Variants in CD96 observed in about 807,000 individuals in gnomAD.
CD96 encodes T-cell surface protein tactile.
CD96 carries 70 observed loss-of-function variants against 71.3 expected under a neutral mutation model. The ratio of observed to expected loss-of-function variants is 0.98; its 90% confidence interval spans 0.81 to 1.20. The LOEUF (loss-of-function observed/expected upper bound fraction) is 1.20. Ranked by LOEUF, CD96 falls within the 50% of genes most tolerant of loss-of-function variation. CD96 has a pLI of 0.00. For synonymous variants in CD96, 248 were observed against 233.0 expected, an observed-to-expected ratio of 1.06 and a Z score of -0.59; for missense variants, 742 against 677.5, an observed-to-expected ratio of 1.10 and a Z score of -1.06.
Position 111,649,661 on chromosome 3 carries a change from A to G in CD96, c.1602-37A>G, listed in dbSNP as rs757842906. 23 of 1,241,260 alleles carry G rather than the reference A, an allele frequency of 1.9e-5. 1 individual carries two copies. The South Asian group carries it at 2.6e-4, about 14-fold the overall frequency. 76.9% of individuals were successfully genotyped at this position (1,241,260 alleles called of 1,614,324 possible). A position where few individuals can be genotyped will look rare whatever the true frequency, so the allele number is the denominator to read the frequency against. ...GTGTGTGTGTGCATAAGACTCCCTC[A>G]ATTCTTAGCATTGAAAGACCAATAT... On this transcript the variant is annotated intron_variant, in intron 13 of 13. Coordinates refer to ENST00000352690, the MANE Select transcript of CD96 (RefSeq NM_005816.5).
At position 111,606,786 on chromosome 3, in the gene CD96, C is replaced by A; in HGVS notation, c.1174C>A (p.Pro392Thr). ...TQPSPASSVS[P>T]ARYPATSSVT... Reference sequence around the variant, plus strand: ...ACCTTCTCCAGCCAGCAGTGTATCTCCTGCAAGTAAGAATGTTTTCACACT... The same window carrying A: ...ACCTTCTCCAGCCAGCAGTGTATCTACTGCAAGTAAGAATGTTTTCACACT... Residue 392 changes from proline (P) to threonine (T), a missense_variant, in exon 8 of 14, where the codon CCT becomes ACT. By Grantham distance (38) the Pro-to-Thr change is conservative. Coordinates refer to ENST00000352690, the MANE Select transcript of CD96 (RefSeq NM_005816.5). 6.4e-7 allele frequency: 1 copy of A among 1,554,652 alleles called. No homozygotes were observed. Among genetic ancestry groups the A allele is most frequent in the Non-Finnish European group, 8.9e-7 (1 of 1,125,800 alleles).
chr3:111,610,600 G>A (rs1937871841), intron 8 of CD96, among the ~76,000 whole-genome samples: 1 of 152,202 alleles, frequency 6.6e-6, no homozygotes. Flanking sequence ...ATAACAAACT[G>A]TAAGAGTTAT....
intron 5 of CD96, among the ~76,000 whole-genome samples, chr3:111,588,154 C>G (rs1258528705): frequency 6.6e-6 from 1 of 152,166 alleles, no homozygotes; most frequent in Non-Finnish European, 1.5e-5. Flanking sequence ...CTCTGTTTAT[C>G]TTTTGAAACT....
At chr3:111,622,959 T>C (rs1343537590) in intron 8 of CD96, among the ~76,000 whole-genome samples, 1 of 152,228 alleles carries the variant, frequency 6.6e-6, no homozygotes. Context: ...ACTATCCCTG[T>C]TTAGGTTTCA....
intron 3 of CD96, among the ~76,000 whole-genome samples, chr3:111,578,008 C>T (rs146735922): frequency 2.6e-5 from 4 of 152,270 alleles, no homozygotes; most frequent in African/African-American, 9.6e-5. Flanking sequence ...AGCAATTGTC[C>T]TAGCTATGGC....
intron 7 of CD96, among the ~76,000 whole-genome samples, chr3:111,602,695 G>A (rs760758317): frequency 2.0e-5 from 3 of 152,050 alleles, no homozygotes; most frequent in Admixed American, 6.5e-5. Flanking sequence ...TGGTACTGCC[G>A]GATGCTTTAT....
At chr3:111,640,501 C>A (rs138371882) in intron 12 of CD96, among the ~76,000 whole-genome samples, 1 of 152,040 alleles carries the variant, frequency 6.6e-6, no homozygotes, top group African/African-American at 2.4e-5. Flanking sequence ...GTTAAACAAC[C>A]AAACTTATGA....
At chr3:111,595,459 G>A (rs1937213197) in intron 5 of CD96, 1 of 152,120 alleles carries the variant, frequency 6.6e-6, no homozygotes, top group African/African-American at 2.4e-5. Context: ...TTCCAGGTAG[G>A]TGTGTCTGTG....
At chr3:111,648,018 C>T (rs1374717237) in intron 13 of CD96, among the ~76,000 whole-genome samples, 1 of 152,116 alleles carries the variant, frequency 6.6e-6, no homozygotes, top group Non-Finnish European at 1.5e-5. Flanking sequence ...CTTTGAACTG[C>T]CTAGGCTCCA....
chr3:111,642,799 T>A (rs553029998), intron 12 of CD96, among the ~76,000 whole-genome samples: 3 of 150,042 alleles, frequency 2.0e-5, no homozygotes, highest in South Asian at 4.2e-4. Flanking sequence ...AAACTGAGAC[T>A]CCGCCTAAAA....
intron 2 of CD96, among the ~76,000 whole-genome samples, chr3:111,550,931 G>C (rs1379494823): frequency 1.3e-5 from 2 of 152,128 alleles, no homozygotes; most frequent in East Asian, 1.9e-4. Context: ...AAAGTACATA[G>C]TGCCACATTT....
intron 6 of CD96, 106 bp from the exon 7 acceptor site, chr3:111,600,620 C>G: frequency 3.5e-6 from 3 of 866,502 alleles, no homozygotes; most frequent in Non-Finnish European, 5.8e-6. Context: ...CATTTGACCA[C>G]TTTAGACTCT....
chr3:111,555,063 G>A (rs963680686), intron 2 of CD96, among the ~76,000 whole-genome samples: 2 of 152,154 alleles, frequency 1.3e-5, no homozygotes, highest in African/African-American at 4.8e-5. Context: ...ATGGGGAGTA[G>A]CTGTAAATAC....
At chr3:111,626,888 G>T (rs899085999) in intron 10 of CD96, among the ~76,000 whole-genome samples, 10 of 152,118 alleles carry the variant, frequency 6.6e-5, no homozygotes, top group Non-Finnish European at 4.4e-5. Flanking sequence ...AACACCATAT[G>T]CCTTAGACGT....
Position 111,565,648 on chromosome 3 carries a change from T to C in CD96, c.419-1875T>C, listed in dbSNP as rs139824488. On this transcript the variant is annotated intron_variant, in intron 2 of 13. Transcript: ENST00000352690. ...AGAGATGGTATAGAAACAACTCCAT[T>C]TGGAAGTGCTGTGATAGCTAAGTGA... 6.0e-3 allele frequency among the ~76,000 whole-genome samples: 909 copies of C among 152,078 alleles called. 9 individuals carry two copies. The highest frequency in any genetic ancestry group is 0.021 in the African/African-American group (867 of 41,516).
At chr3:111,617,752 C>A (rs1938315340) in intron 8 of CD96, among the ~76,000 whole-genome samples, 1 of 152,188 alleles carries the variant, frequency 6.6e-6, no homozygotes. Context: ...GAACTTGGGA[C>A]CTACTGAATG....
At chr3:111,579,416 A>T (rs1360409835) in intron 4 of CD96, 182 bp downstream of exon 4, 1 of 676,660 alleles carries the variant, frequency 1.5e-6, no homozygotes, top group East Asian at 2.8e-5. Flanking sequence ...ATGCTAAAGA[A>T]TGATGATTCT....
At chr3:111,613,633 C>T (rs1215430445) in intron 8 of CD96, among the ~76,000 whole-genome samples, 3 of 152,184 alleles carry the variant, frequency 2.0e-5, no homozygotes, top group African/African-American at 7.2e-5. Flanking sequence ...TGTTTAAAGG[C>T]TCTTTGTGCT....
At chr3:111,592,096 A>G (rs189334224) in intron 5 of CD96, among the ~76,000 whole-genome samples, 36 of 152,060 alleles carry the variant, frequency 2.4e-4, no homozygotes, top group East Asian at 1.2e-3. Flanking sequence ...CCCATTCCCA[A>G]CCCACATTAT....
Sources: allele counts gnomAD v4.1 joint callset (sites outside exome capture counted in the v4.1 genomes callset), GRCh38; gene constraint gnomAD v4.1.1; transcripts MANE v1.5; gene names NCBI Gene and HGNC (gene_info 2026-07-23, HGNC 2026-07-21).